Variants in NTRK2 observed in about 807,000 individuals in gnomAD.
NTRK2 encodes the protein neurotrophic receptor tyrosine kinase 2, also known as BDNF/NT-3 growth factors receptor.
NTRK2 carries 13 observed loss-of-function variants against 94.5 expected under a neutral mutation model. The observed-to-expected ratio is 0.14, with a 90% CI of 0.09 to 0.22. NTRK2 has a LOEUF of 0.22. NTRK2 is among the 10% of genes least tolerant of loss of function. The probability of loss-of-function intolerance (pLI) is 1.00; values close to 1 mark genes in which losing one functional copy is unlikely to be tolerated. For synonymous variants in NTRK2, 372 were observed against 407.4 expected (o/e 0.91, Z 1.05); for missense variants, 639 against 1,071.2 (o/e 0.60, Z 5.63).
At chr9:84,789,537 G>A (rs778491534) in intron 12 of NTRK2, among the ~76,000 whole-genome samples, 20 of 152,290 alleles carry the variant, frequency 1.3e-4, no homozygotes, top group Admixed American at 6.5e-4. Flanking sequence ...CCTGGAAAGG[G>A]GAGTCCAAGG....
chr9:84,937,517 C>T (rs888778549), intron 15 of NTRK2, among the ~76,000 whole-genome samples: 5 of 152,136 alleles, frequency 3.3e-5, no homozygotes, highest in Middle Eastern at 3.2e-3. Context: ...GGCATGTGCA[C>T]AACACTTGAG....
chr9:84,739,400 C>T (rs1332380738), intron 9 of NTRK2, among the ~76,000 whole-genome samples: 1 of 152,128 alleles, frequency 6.6e-6, no homozygotes, highest in East Asian at 1.9e-4. Context: ...ACGATTGGAC[C>T]CCAAATCCCA....
chr9:84,812,835 T>C, intron 12 of NTRK2: 3 of 1,036,886 alleles, frequency 2.9e-6, no homozygotes, highest in Non-Finnish European at 3.5e-6. Flanking sequence ...TGTTTTAAAA[T>C]GGAGAGAAGT....
intron 9 of NTRK2, among the ~76,000 whole-genome samples, chr9:84,738,376 A>G (rs2063399961): frequency 2.0e-5 from 3 of 147,900 alleles, no homozygotes; most frequent in Admixed American, 6.6e-5. Flanking sequence ...AATATCTCCA[A>G]CAGGGCTTCC....
Position 84,811,706 on chromosome 9 carries a change from C to T in NTRK2, c.1397-49334C>T, listed in dbSNP as rs946844069. Reference sequence around the variant, plus strand: ...CCTGACCCCAGCAGCAAAGAGGTGGCAGGTCGCTAATGAATATATGCTTTA... The same window carrying T: ...CCTGACCCCAGCAGCAAAGAGGTGGTAGGTCGCTAATGAATATATGCTTTA... On this transcript the variant is annotated intron_variant, in intron 12 of 18. Transcript: ENST00000277120. The T allele has an allele frequency of 2.0e-5, 21 of 1,065,412 alleles. No individual in the cohort carries two copies. In the Admixed American group the frequency reaches 3.7e-4, roughly 19 times the overall value. 66.0% of individuals were successfully genotyped at this position (1,065,412 alleles called of 1,614,324 possible).
chr9:84,891,741 T>C (rs533480461), intron 14 of NTRK2, among the ~76,000 whole-genome samples: 1 of 152,336 alleles, frequency 6.6e-6, no homozygotes, highest in East Asian at 1.9e-4. Context: ...GTGATTTTTA[T>C]TGACGTTCAT....
intron 12 of NTRK2, among the ~76,000 whole-genome samples, chr9:84,834,666 C>T (rs879744022): frequency 3.3e-5 from 5 of 152,084 alleles, no homozygotes; most frequent in South Asian, 2.1e-4. Flanking sequence ...ACTACCTCTG[C>T]GCACATGTTG....
At position 84,885,512 on chromosome 9, in the gene NTRK2, CT is replaced by C. The variant is rs202194959; in HGVS notation, c.1633+18091del. Among the ~76,000 whole-genome samples the C allele has an allele frequency of 8.7e-3, 1,303 of 150,330 alleles. 17 individuals carry two copies. Among genetic ancestry groups the C allele is most frequent in the Admixed American group, 0.039 (588 of 15,056 alleles). On this transcript the variant is annotated intron_variant, in intron 14 of 18. Transcript: ENST00000277120. ...GAATGTGTAGCAGAATAGAAGTTAT[CT>C]TTTTTTTTTCTTTTAATAATCCTGA...
At chr9:84,856,577 A>T (rs1407915424) in intron 12 of NTRK2, among the ~76,000 whole-genome samples, 1 of 151,902 alleles carries the variant, frequency 6.6e-6, no homozygotes, top group Non-Finnish European at 1.5e-5. Context: ...TCTACTCTGG[A>T]CTCAACTCTG....
intron 2 of NTRK2, among the ~76,000 whole-genome samples, chr9:84,680,620 G>C (rs984106894): frequency 6.6e-6 from 1 of 152,118 alleles, no homozygotes; most frequent in Non-Finnish European, 1.5e-5. Flanking sequence ...ATTGAAGCAG[G>C]TTCATGTTCC....
chr9:84,867,477 G>GT, intron 14 of NTRK2, 46 bp downstream of exon 14: 1 of 1,498,210 alleles, frequency 6.7e-7, no homozygotes, highest in Non-Finnish European at 9.3e-7. Context: ...CTGCATAGCT[G>GT]TATCAACCAG....
At chr9:84,780,564 T>G (rs916157715) in intron 12 of NTRK2, among the ~76,000 whole-genome samples, 1 of 152,166 alleles carries the variant, frequency 6.6e-6, no homozygotes, top group African/African-American at 2.4e-5. Flanking sequence ...AGCAGTGAGA[T>G]GGGAGCAGAA....
chr9:84,983,884 C>G (rs369981697), intron 17 of NTRK2, among the ~76,000 whole-genome samples: 4 of 152,158 alleles, frequency 2.6e-5, no homozygotes, highest in African/African-American at 4.8e-5. Context: ...CACACCCTGT[C>G]TGACAATTAT....
intron 15 of NTRK2, among the ~76,000 whole-genome samples, chr9:84,940,400 C>G (rs991694834): frequency 1.3e-5 from 2 of 152,130 alleles, no homozygotes; most frequent in African/African-American, 4.8e-5. Flanking sequence ...TTGGGACTCC[C>G]CTGCTTAGTG....
intron 14 of NTRK2, among the ~76,000 whole-genome samples, chr9:84,878,504 C>T (rs997819750): frequency 6.6e-6 from 1 of 152,106 alleles, no homozygotes; most frequent in Non-Finnish European, 1.5e-5. Flanking sequence ...CATGGTGGCT[C>T]ATGCCAGTAG....
intron 12 of NTRK2, chr9:84,813,222 T>C (rs753710176): frequency 5.2e-5 from 55 of 1,051,494 alleles, no homozygotes; most frequent in Non-Finnish European, 6.0e-5. Context: ...TGTGAGCCGA[T>C]GCCTGCCCTT....
Position 84,963,871 on chromosome 9 carries a change from AT to A in NTRK2, c.2172+8357del, listed in dbSNP as rs1278782174. On this transcript the variant is annotated intron_variant, in intron 17 of 18. Transcript: ENST00000277120. ...AATTTTTTTTCTCCTGCAATGTCTA[AT>A]TTGCCATTATTCTCATCCAGTATAG... 4.6e-5 allele frequency among the ~76,000 whole-genome samples: 7 copies of A among 152,074 alleles called. No individual in the cohort carries two copies. The South Asian group carries it at 1.2e-3, about 27-fold the overall frequency.
rs188604543 is a variant in NTRK2, at chr9:84,724,708, T to C, written c.853+352T>C. Reference sequence around the variant, plus strand: ...CAGTTTCTAAAACTTTCTTCCTCTATAAAAGCAATATGATGCTTTAAAGTT... The same window carrying C: ...CAGTTTCTAAAACTTTCTTCCTCTACAAAAGCAATATGATGCTTTAAAGTT... On this transcript the variant is annotated intron_variant, in intron 8 of 18. Coordinates refer to ENST00000277120, the MANE Select transcript of NTRK2 (RefSeq NM_006180.6). 1.1e-3 allele frequency among the ~76,000 whole-genome samples: 161 copies of C among 152,330 alleles called. No homozygotes were observed. The Middle Eastern group carries it at 0.024, about 23-fold the overall frequency.
At chr9:84,889,097 T>C (rs2076517619) in intron 14 of NTRK2, among the ~76,000 whole-genome samples, 1 of 145,326 alleles carries the variant, frequency 6.9e-6, no homozygotes, top group South Asian at 2.2e-4. Context: ...TTCACGCCAT[T>C]CTCCTGCCTC....
Sources: gnomAD v4.1 joint callset for allele counts (sites outside exome capture counted in the v4.1 genomes callset) on GRCh38, gnomAD v4.1.1 for gene constraint, MANE v1.5 for transcripts, NCBI Gene and HGNC (gene_info 2026-07-23, HGNC 2026-07-21) for gene names.